Variants in FAM107B observed in about 807,000 individuals in gnomAD.
The protein encoded by FAM107B is family with sequence similarity 107 member B, also known as protein FAM107B.
Under a neutral mutation model 31.5 loss-of-function variants are expected in FAM107B, and 21 were observed. The observed-to-expected ratio is 0.67, with a 90% CI of 0.47 to 0.96. The LOEUF is 0.96. FAM107B is among the 40% of genes least tolerant of loss of function. FAM107B has a pLI of 0.00. For missense variants in FAM107B, 452 were observed against 377.1 expected (o/e 1.20, Z -1.64); for synonymous variants, 157 against 141.5 (o/e 1.11, Z -0.78).
chr10:14,725,884 G>A (rs1856023038), intron 1 of FAM107B, among the ~76,000 whole-genome samples: 1 of 139,032 alleles, frequency 7.2e-6, no homozygotes, highest in African/African-American at 2.7e-5. Context: ...GGAGTGCAGT[G>A]GCACGATCTC....
intron 1 of FAM107B, among the ~76,000 whole-genome samples, chr10:14,708,143 T>C (rs1372927296): frequency 1.3e-5 from 2 of 152,082 alleles, no homozygotes; most frequent in Non-Finnish European, 2.9e-5. Context: ...AGTGGCACAA[T>C]CTCGGCTCAC....
intron 2 of FAM107B, among the ~76,000 whole-genome samples, chr10:14,618,407 C>G (rs925630805): frequency 1.3e-5 from 2 of 152,104 alleles, no homozygotes; most frequent in East Asian, 1.9e-4. Flanking sequence ...GTTTTCATTT[C>G]TCTTGGGTAA....
rs35444318 is a variant in FAM107B at position 14,622,308 on chromosome 10, A to ATTT, written c.469+45323_469+45325dup. 1.8e-3 allele frequency among the ~76,000 whole-genome samples: 246 copies of ATTT among 136,524 alleles called. 3 individuals carry two copies. The highest frequency in any genetic ancestry group is 0.013 in the East Asian group (60 of 4,732). The allele number at this position is 136,524 out of a possible 152,430, so 89.6% of individuals were successfully genotyped here. On this transcript the variant is annotated intron_variant, in intron 2 of 4. Coordinates refer to ENST00000181796, the MANE Select transcript of FAM107B (RefSeq NM_031453.4). ...AAGCACCTGGGAGCTAGTATGAGAG[A>ATTT]TTTTTTTTTTTTTTTTTGAGATGGA...
At chr10:14,678,839 T>G (rs66783128) in intron 1 of FAM107B, among the ~76,000 whole-genome samples, 14,060 of 152,252 alleles carry the variant, frequency 0.092, 703 homozygotes, top group East Asian at 0.26. Context: ...TACAGGCGTC[T>G]CCAGGCCTCA....
At chr10:14,664,975 T>C (rs552610720) in intron 2 of FAM107B, among the ~76,000 whole-genome samples, 105 of 152,202 alleles carry the variant, frequency 6.9e-4, no homozygotes, top group African/African-American at 2.4e-3. Context: ...TAGGAATAAA[T>C]CCTGAATAAA....
At chr10:14,755,780 G>C (rs548973168) in intron 1 of FAM107B, among the ~76,000 whole-genome samples, 2 of 152,240 alleles carry the variant, frequency 1.3e-5, no homozygotes, top group South Asian at 2.1e-4. Context: ...ATCATGAAAG[G>C]CTCCAAATTT....
intron 1 of FAM107B, among the ~76,000 whole-genome samples, chr10:14,745,445 T>C (rs1359572176): frequency 6.6e-6 from 1 of 152,168 alleles, no homozygotes; most frequent in Non-Finnish European, 1.5e-5. Flanking sequence ...TTTAGTTCTA[T>C]AAATTTCTCT....
At chr10:14,759,991 C>T (rs2125562) in intron 1 of FAM107B, among the ~76,000 whole-genome samples, 20,566 of 152,102 alleles carry the variant, frequency 0.14, 1,674 homozygotes, top group East Asian at 0.27. Context: ...GGATTACAGG[C>T]GTGAGCCACC....
chr10:14,670,184 TCC>T (rs1854507206), intron 1 of FAM107B, among the ~76,000 whole-genome samples: 1 of 152,240 alleles, frequency 6.6e-6, no homozygotes, highest in Non-Finnish European at 1.5e-5. Context: ...CAAATGTTTT[TCC>T]AGAGATCAAA....
intron 1 of FAM107B, among the ~76,000 whole-genome samples, chr10:14,737,991 C>A (rs964747785): frequency 6.6e-6 from 1 of 152,122 alleles, no homozygotes; most frequent in Admixed American, 6.6e-5. Context: ...ACACAGCAGC[C>A]GCTAATGCCA....
At chr10:14,735,035 A>C (rs997314048) in intron 1 of FAM107B, among the ~76,000 whole-genome samples, 3 of 152,202 alleles carry the variant, frequency 2.0e-5, no homozygotes, top group Admixed American at 6.5e-5. Flanking sequence ...GGTGTCCAGC[A>C]AGATGTCATC....
chr10:14,730,103 C>A (rs1856138524), intron 1 of FAM107B, among the ~76,000 whole-genome samples: 1 of 152,088 alleles, frequency 6.6e-6, no homozygotes, highest in African/African-American at 2.4e-5. Context: ...GGCTTGAAAC[C>A]TAGATGATGG....
chr10:14,561,337 G>T (rs1850222825), intron 2 of FAM107B, among the ~76,000 whole-genome samples: 2 of 152,216 alleles, frequency 1.3e-5, no homozygotes, highest in African/African-American at 4.8e-5. Context: ...GGGAAATACA[G>T]GTAAGGCAAT....
chr10:14,650,808 A>C (rs759972951), intron 2 of FAM107B, among the ~76,000 whole-genome samples: 2 of 152,244 alleles, frequency 1.3e-5, no homozygotes, highest in Non-Finnish European at 2.9e-5. Flanking sequence ...AAGAAGTCGT[A>C]TATGCTCATA....
chr10:14,581,478 T>G (rs1196202402), intron 2 of FAM107B, among the ~76,000 whole-genome samples: 1 of 152,174 alleles, frequency 6.6e-6, no homozygotes, highest in East Asian at 1.9e-4. Flanking sequence ...GTGGAAAAAT[T>G]AACTGGCCTG....
intron 1 of FAM107B, among the ~76,000 whole-genome samples, chr10:14,772,431 G>A (rs930338430): frequency 1.3e-5 from 2 of 151,702 alleles, no homozygotes; most frequent in Middle Eastern, 3.4e-3. Flanking sequence ...AAAGCACTTA[G>A]AATAAGGGCT....
At chr10:14,717,443 A>G (rs185916913) in intron 1 of FAM107B, among the ~76,000 whole-genome samples, 1 of 152,322 alleles carries the variant, frequency 6.6e-6, no homozygotes, top group African/African-American at 2.4e-5. Context: ...CAAGAACCTC[A>G]ACACCAGGGA....
At chr10:14,687,739 C>T (rs1477516440) in intron 1 of FAM107B, among the ~76,000 whole-genome samples, 1 of 152,226 alleles carries the variant, frequency 6.6e-6, no homozygotes, top group East Asian at 1.9e-4. Context: ...TTTCTCTGCC[C>T]AATTCTTATT....
chr10:14,766,875 A>G (rs1484605675), intron 1 of FAM107B, among the ~76,000 whole-genome samples: 1 of 150,576 alleles, frequency 6.6e-6, no homozygotes, highest in African/African-American at 2.4e-5. Flanking sequence ...ATTCTACCAT[A>G]CATTTAAAGA....
Sources: allele counts gnomAD v4.1 joint callset (sites outside exome capture counted in the v4.1 genomes callset), GRCh38; gene constraint gnomAD v4.1.1; transcripts MANE v1.5; gene names NCBI Gene and HGNC (gene_info 2026-07-23, HGNC 2026-07-21).